HPCAL1: variants seen among roughly 807,000 people sequenced by gnomAD.
HPCAL1 encodes the protein hippocalcin like 1.
A neutral mutation model predicts 17.1 loss-of-function variants in HPCAL1; 8 were observed. The ratio of observed to expected loss-of-function variants is 0.47; its 90% CI spans 0.27 to 0.84. The LOEUF is 0.84. Among genes scored for constraint, HPCAL1 ranks in the 40% least tolerant of loss-of-function variants. The pLI, the probability that HPCAL1 is intolerant of heterozygous loss-of-function variation, is 0.13. For synonymous variants in HPCAL1, 112 were observed against 111.4 expected (o/e 1.01, Z -0.03); for missense variants, 165 against 271.1 (o/e 0.61, Z 2.75).
At position 10,370,870 on chromosome 2, in the gene HPCAL1, G is replaced by A. The variant is rs952085587; in HGVS notation, c.-110-25965G>A. Among the ~76,000 whole-genome samples the A allele has an allele frequency of 3.3e-5, 5 of 152,214 alleles. No homozygotes were observed. In the East Asian group the frequency reaches 5.8e-4, roughly 18 times the overall value. On this transcript the variant is annotated intron_variant, in intron 1 of 4. Coordinates refer to ENST00000307845, the MANE Select transcript of HPCAL1 (RefSeq NM_002149.4). Reference sequence around the variant, plus strand: ...TTTGGCTATCCTTCATCCCCGTGGGGCTCAGTTTCCTCATCTCCAAGCTAA... The same window carrying A: ...TTTGGCTATCCTTCATCCCCGTGGGACTCAGTTTCCTCATCTCCAAGCTAA...
rs760880659 is a variant in HPCAL1, at chr2:10,384,849, C to T, written c.-110-11986C>T. ...AAAGATAGAGGCGACAGGCTGGGTGCGGTGGCTCATGCCTGTAATCCCAAC... is the reference window on the plus strand; with the variant it reads ...AAAGATAGAGGCGACAGGCTGGGTGTGGTGGCTCATGCCTGTAATCCCAAC... On this transcript the variant is annotated intron_variant, in intron 1 of 4. Coordinates refer to ENST00000307845, the MANE Select transcript of HPCAL1 (RefSeq NM_002149.4). The surrounding 1 kb of genome is among the most constrained non-coding windows in gnomAD (Gnocchi z 4.4). 2.0e-5 allele frequency among the ~76,000 whole-genome samples: 3 copies of T among 152,096 alleles called. No homozygotes were observed. The highest frequency in any genetic ancestry group is 2.1e-4 in the South Asian group (1 of 4,828).
At chr2:10,387,789 A>G (rs918150117) in intron 1 of HPCAL1, among the ~76,000 whole-genome samples, 8 of 152,200 alleles carry the variant, frequency 5.3e-5, no homozygotes, top group African/African-American at 1.9e-4. Flanking sequence ...TTAGCTGGTC[A>G]TACCTGGACC....
At chr2:10,398,004 A>G (rs1168055113) in intron 2 of HPCAL1, among the ~76,000 whole-genome samples, 1 of 152,166 alleles carries the variant, frequency 6.6e-6, no homozygotes, top group African/African-American at 2.4e-5. Flanking sequence ...CTGGACCAGC[A>G]GGACCTGGCT....
intron 1 of HPCAL1, among the ~76,000 whole-genome samples, chr2:10,355,770 A>G (rs1451584703): frequency 2.0e-5 from 3 of 150,754 alleles, no homozygotes; most frequent in Admixed American, 6.6e-5. Context: ...AGAGATGGAC[A>G]CTTTTTTTTT....
rs1333655100 is a variant in HPCAL1, at chr2:10,377,859, A to G, written c.-110-18976A>G. Among the ~76,000 whole-genome samples the G allele has an allele frequency of 6.6e-6, 1 of 152,162 alleles. No individual in the cohort carries two copies. The highest frequency in any genetic ancestry group is 1.5e-5 in the Non-Finnish European group (1 of 68,022). On this transcript the variant is annotated intron_variant, in intron 1 of 4. Coordinates refer to ENST00000307845, the MANE Select transcript of HPCAL1 (RefSeq NM_002149.4). The surrounding 1 kb of genome is among the most constrained non-coding windows in gnomAD (Gnocchi z 5.9). ...GGCCAGGCACGGGGGAGGGTATTCA[A>G]GGGCGGCAAGCCACCAAGGGGACGG...
In HPCAL1 at chr2:10,359,417, G is replaced by A. The variant is rs1666384206; in HGVS notation, c.-110-37418G>A. Reference sequence around the variant, plus strand: ...GAGACTTCAACGCAGAGATTAAGAAGTTGAGATGTCTTTGTTCCCAGAGGA... The same window carrying A: ...GAGACTTCAACGCAGAGATTAAGAAATTGAGATGTCTTTGTTCCCAGAGGA... On this transcript the variant is annotated intron_variant, in intron 1 of 4. Transcript: ENST00000307845. This position sits in a 1 kb window ranked among gnomAD's most constrained non-coding sequence, Gnocchi z 4.1. Among the ~76,000 whole-genome samples the A allele has an allele frequency of 6.6e-6, 1 of 152,240 alleles. No homozygotes were observed. The highest frequency in any genetic ancestry group is 2.1e-4 in the South Asian group (1 of 4,834).
At chr2:10,378,505 C>T (rs1034694242) in intron 1 of HPCAL1, among the ~76,000 whole-genome samples, 1 of 152,120 alleles carries the variant, frequency 6.6e-6, no homozygotes, top group Non-Finnish European at 1.5e-5. Context: ...GGGGAGGGCT[C>T]TTCCTGCTTT....
rs36002921 is a variant in HPCAL1, at chr2:10,410,436, CTTTTTTTTTTT to C, written c.-24-9283_-24-9273del. 1.7e-4 allele frequency among the ~76,000 whole-genome samples: 13 copies of C among 77,526 alleles called. No individual in the cohort carries two copies. In the East Asian group the frequency reaches 4.3e-3, roughly 26 times the overall value. 50.9% of individuals were successfully genotyped at this position (77,526 alleles called of 152,430 possible). A position where few individuals can be genotyped will look rare whatever the true frequency, so the allele number is the denominator to read the frequency against. ...CCTTGTTCCTCTTTTTCTTCTTCTT[CTTTTTTTTTTT>C]TTTTTTTTTTTTTTACAATTCAGCA... On this transcript the variant is annotated intron_variant, in intron 2 of 4. Coordinates refer to ENST00000307845, the MANE Select transcript of HPCAL1 (RefSeq NM_002149.4).
At position 10,395,113 on chromosome 2, in the gene HPCAL1, A is replaced by AAC. The variant is rs55678486; in HGVS notation, c.-110-1677_-110-1676dup. 0.2 allele frequency among the ~76,000 whole-genome samples: 27,885 copies of AAC among 138,048 alleles called. 2,901 individuals carry two copies. The highest frequency in any genetic ancestry group is 0.3 in the East Asian group (1,358 of 4,548). The allele number at this position is 138,048 out of a possible 152,430, so 90.6% of individuals were successfully genotyped here. ...TGTCCAGCCTAAAATCTATCTTTAA[A>AAC]ACACACACACACACACACACACACA... On this transcript the variant is annotated intron_variant, in intron 1 of 4. Coordinates refer to ENST00000307845, the MANE Select transcript of HPCAL1 (RefSeq NM_002149.4). The surrounding 1 kb of genome is among the most constrained non-coding windows in gnomAD (Gnocchi z 4.4).
At position 10,342,396 on chromosome 2, in the gene HPCAL1, C is replaced by T. The variant is rs1665145639; in HGVS notation, c.-111+39219C>T. On this transcript the variant is annotated intron_variant, in intron 1 of 4. Coordinates refer to ENST00000307845, the MANE Select transcript of HPCAL1 (RefSeq NM_002149.4). The surrounding 1 kb of genome is among the most constrained non-coding windows in gnomAD (Gnocchi z 4.1). ...CTGCTTCTGTGCGAGGCCAGTCAGT[C>T]TGGGTCCTGGGATATAGCCACATGT... Among the ~76,000 whole-genome samples, 1 of 152,022 alleles carries T rather than the reference C, an allele frequency of 6.6e-6. No homozygotes were observed. The highest frequency in any genetic ancestry group is 1.5e-5 in the Non-Finnish European group (1 of 67,998).
At position 10,359,433 on chromosome 2, in the gene HPCAL1, TC is replaced by T. The variant is rs1305022330; in HGVS notation, c.-110-37399del. ...GATTAAGAAGTTGAGATGTCTTTGT[TC>T]CCAGAGGAAAGTCCCTGCAGGCCCC... On this transcript the variant is annotated intron_variant, in intron 1 of 4. Transcript: ENST00000307845. The surrounding 1 kb of genome is among the most constrained non-coding windows in gnomAD (Gnocchi z 4.1). 1.3e-5 allele frequency among the ~76,000 whole-genome samples: 2 copies of T among 152,202 alleles called. No individual in the cohort carries two copies. The highest frequency in any genetic ancestry group is 4.8e-5 in the African/African-American group (2 of 41,444).
intron 2 of HPCAL1, among the ~76,000 whole-genome samples, chr2:10,407,877 G>A (rs10200205): frequency 2.6e-5 from 4 of 152,212 alleles, no homozygotes; most frequent in Non-Finnish European, 4.4e-5. Context: ...GAAGTGACGC[G>A]TTCAAAGCTG....
Position 10,391,873 on chromosome 2 carries a change from G to A in HPCAL1, c.-110-4962G>A, listed in dbSNP as rs577255843. On this transcript the variant is annotated intron_variant, in intron 1 of 4. Coordinates refer to ENST00000307845, the MANE Select transcript of HPCAL1 (RefSeq NM_002149.4). ...TAAGCAGTTCTCTGCCTCAGCCTCC[G>A]GAGTAGCTGGGATTACAGGCGCGTG... Among the ~76,000 whole-genome samples the A allele has an allele frequency of 4.0e-5, 6 of 151,638 alleles. No individual in the cohort carries two copies. The South Asian group carries it at 8.4e-4, about 21-fold the overall frequency.
chr2:10,406,059 C>A (rs947320336), intron 2 of HPCAL1, among the ~76,000 whole-genome samples: 1 of 152,196 alleles, frequency 6.6e-6, no homozygotes, highest in Non-Finnish European at 1.5e-5. Flanking sequence ...CTGTTTCTCC[C>A]CTTCACCCCT....
Position 10,419,327 on chromosome 2 carries a change from C to G in HPCAL1, c.-24-407C>G, listed in dbSNP as rs1164117782. 6.6e-6 allele frequency among the ~76,000 whole-genome samples: 1 copy of G among 152,206 alleles called. No individual in the cohort carries two copies. ...ATGTGATGCCTGAAAGAGGGAAGAA[C>G]TGCCCCAAAGAGTCTGGGATGTGGC... On this transcript the variant is annotated intron_variant, in intron 2 of 4. Coordinates refer to ENST00000307845, the MANE Select transcript of HPCAL1 (RefSeq NM_002149.4). This position sits in a 1 kb window ranked among gnomAD's most constrained non-coding sequence, Gnocchi z 5.0.
At chr2:10,379,481 G>C (rs1036169586) in intron 1 of HPCAL1, among the ~76,000 whole-genome samples, 2 of 151,968 alleles carry the variant, frequency 1.3e-5, no homozygotes, top group African/African-American at 4.8e-5. Flanking sequence ...TATGGCCGTG[G>C]CTGACCCTTC....
chr2:10,306,393 C>T (rs1662621386), intron 1 of HPCAL1, among the ~76,000 whole-genome samples: 1 of 152,102 alleles, frequency 6.6e-6, no homozygotes, highest in South Asian at 2.1e-4. Flanking sequence ...ATTTTAATCA[C>T]ACTCTACTTT....
rs768994256 is a variant in HPCAL1, at chr2:10,344,632, T to C, written c.-111+41455T>C. ...CAGAAATATTTTATAATCAAATGAG[T>C]AAGACGGGCGTCCCACACTCCACAG... is the stretch of plus-strand genomic sequence containing the variant. On this transcript the variant is annotated intron_variant, in intron 1 of 4. Coordinates refer to ENST00000307845, the MANE Select transcript of HPCAL1 (RefSeq NM_002149.4). This position sits in a 1 kb window ranked among gnomAD's most constrained non-coding sequence, Gnocchi z 4.9. Among the ~76,000 whole-genome samples the C allele has an allele frequency of 6.6e-6, 1 of 152,180 alleles. No individual in the cohort carries two copies. The highest frequency in any genetic ancestry group is 1.5e-5 in the Non-Finnish European group (1 of 68,038).
chr2:10,361,801 C>T (rs1666544082), intron 1 of HPCAL1, among the ~76,000 whole-genome samples: 1 of 151,752 alleles, frequency 6.6e-6, no homozygotes, highest in African/African-American at 2.4e-5. Context: ...ACTGCAACCT[C>T]TGCCTCCCAG....
Sources: gnomAD v4.1 joint callset for allele counts (sites outside exome capture counted in the v4.1 genomes callset) on GRCh38, gnomAD v4.1.1 for gene constraint, Gnocchi (gnomAD v3.1) non-coding constraint, MANE v1.5 for transcripts, NCBI Gene and HGNC (gene_info 2026-07-23, HGNC 2026-07-21) for gene names.